Variants in STK3 observed in about 807,000 individuals in gnomAD.
STK3 encodes serine/threonine-protein kinase 3.
Under a neutral mutation model 58.0 loss-of-function variants are expected in STK3, and 41 were observed. The observed-to-expected ratio is 0.71, with a 90% CI of 0.55 to 0.92. The LOEUF (loss-of-function observed/expected upper bound fraction) is 0.92, where lower values mean the gene tolerates loss of function less well. STK3 is among the 40% of genes least tolerant of loss of function. STK3 has a pLI of 0.00. For missense variants in STK3, 479 were observed against 602.7 expected (o/e 0.79, Z 2.15); for synonymous variants, 170 against 191.0 (o/e 0.89, Z 0.91).
At chr8:98,607,522 TA>T (rs1816868976) in intron 6 of STK3, among the ~76,000 whole-genome samples, 1 of 152,216 alleles carries the variant, frequency 6.6e-6, no homozygotes, top group African/African-American at 2.4e-5. Flanking sequence ...ATCCTTGATT[TA>T]AAAAATACTC....
chr8:98,523,634 C>T (rs1364447363), intron 10 of STK3, among the ~76,000 whole-genome samples: 1 of 152,074 alleles, frequency 6.6e-6, no homozygotes, highest in African/African-American at 2.4e-5. Flanking sequence ...CTCAGCCTCC[C>T]AAAGTGCTGG....
At chr8:98,780,991 A>G (rs1251879218) in intron 1 of STK3, among the ~76,000 whole-genome samples, 2 of 152,238 alleles carry the variant, frequency 1.3e-5, no homozygotes, top group African/African-American at 2.4e-5. Flanking sequence ...TATCCATTGT[A>G]GAACTTCCAC....
chr8:98,445,860 G>T (rs148950468), intron 1 of STK3, among the ~76,000 whole-genome samples: 10 of 152,268 alleles, frequency 6.6e-5, no homozygotes, highest in African/African-American at 2.4e-4. Context: ...CAGTAGAATT[G>T]AGTACAGCCG....
At chr8:98,695,807 A>G (rs2130985935) in intron 6 of STK3, among the ~76,000 whole-genome samples, 1 of 152,290 alleles carries the variant, frequency 6.6e-6, no homozygotes, top group East Asian at 1.9e-4. Flanking sequence ...TGATGCCTCC[A>G]GCTTTGTTCT....
intron 6 of STK3, among the ~76,000 whole-genome samples, chr8:98,670,591 C>T (rs574929457): frequency 7.2e-5 from 11 of 152,246 alleles, no homozygotes; most frequent in Admixed American, 4.6e-4. Flanking sequence ...GCCTGAAACC[C>T]ATGACCCAGA....
intron 6 of STK3, among the ~76,000 whole-genome samples, chr8:98,599,532 G>T (rs914569276): frequency 6.6e-6 from 1 of 151,768 alleles, no homozygotes; most frequent in African/African-American, 2.4e-5. Flanking sequence ...TCTTTACCAC[G>T]TATTAAAAAA....
intron 8 of STK3, among the ~76,000 whole-genome samples, chr8:98,569,547 C>A (rs1812784826): frequency 6.6e-6 from 1 of 150,990 alleles, no homozygotes; most frequent in South Asian, 2.1e-4. Flanking sequence ...CTCAGAGATC[C>A]AGCAGAGAGT....
intron 1 of STK3, among the ~76,000 whole-genome samples, chr8:98,439,909 G>A (rs1036708461): frequency 2.6e-5 from 4 of 152,198 alleles, no homozygotes; most frequent in Non-Finnish European, 1.5e-5. Context: ...CTTGCAGTGT[G>A]CATTTGTCAT....
intron 1 of STK3, among the ~76,000 whole-genome samples, chr8:98,910,114 A>T (rs1004893253): frequency 2.0e-5 from 3 of 152,130 alleles, no homozygotes; most frequent in Non-Finnish European, 2.9e-5. Context: ...GCATCTCTTC[A>T]TGTGTTTATT....
chr8:98,482,296 T>C (rs1226681696), intron 10 of STK3, among the ~76,000 whole-genome samples: 3 of 152,214 alleles, frequency 2.0e-5, no homozygotes, highest in Admixed American at 2.0e-4. Context: ...CAACTGAAGT[T>C]AAAGCTAAAT....
At chr8:98,820,474 C>T (rs995812975) in intron 1 of STK3, among the ~76,000 whole-genome samples, 4 of 152,204 alleles carry the variant, frequency 2.6e-5, no homozygotes, top group Admixed American at 2.6e-4. Flanking sequence ...GGTAAAGTGT[C>T]TCACTCCAGC....
chr8:98,417,573 C>T (rs1818129230), intron 3 of STK3, among the ~76,000 whole-genome samples: 1 of 152,066 alleles, frequency 6.6e-6, no homozygotes, highest in African/African-American at 2.4e-5. Context: ...CCCTGTTTTG[C>T]CTTGAATCCT....
intron 3 of STK3, among the ~76,000 whole-genome samples, chr8:98,761,609 A>G (rs1011010225): frequency 7.2e-5 from 11 of 152,216 alleles, no homozygotes; most frequent in Non-Finnish European, 1.5e-4. Flanking sequence ...GTAGTGTTCT[A>G]TAACTTAGTA....
intron 7 of STK3, 101 bp downstream of exon 7, chr8:98,595,931 T>C (rs1419716686): frequency 3.0e-6 from 4 of 1,353,452 alleles, no homozygotes; most frequent in Non-Finnish European, 4.0e-6. Context: ...GAGGTTTACA[T>C]CTTTAGAAAT....
At chr8:98,876,068 C>G (rs1837550569) in intron 3 of STK3, among the ~76,000 whole-genome samples, 1 of 152,178 alleles carries the variant, frequency 6.6e-6, no homozygotes, top group Non-Finnish European at 1.5e-5. Context: ...GGCAGTGGTT[C>G]TTGGTGTTCA....
intron 4 of STK3, among the ~76,000 whole-genome samples, chr8:98,746,869 C>G (rs1015682754): frequency 6.6e-6 from 1 of 151,678 alleles, no homozygotes; most frequent in Non-Finnish European, 1.5e-5. Flanking sequence ...CAGACCCCAT[C>G]TCTACAAAAT....
At chr8:98,664,764 A>G (rs909198041) in intron 6 of STK3, among the ~76,000 whole-genome samples, 19 of 152,138 alleles carry the variant, frequency 1.2e-4, no homozygotes, top group African/African-American at 4.3e-4. Context: ...GAATTCTCTT[A>G]GAAGTACTGC....
At chr8:98,862,896 C>T (rs1836986604) in intron 3 of STK3, among the ~76,000 whole-genome samples, 1 of 152,230 alleles carries the variant, frequency 6.6e-6, no homozygotes, top group Non-Finnish European at 1.5e-5. Flanking sequence ...CAGGTTCAAA[C>T]CAGCCTAGTA....
At chr8:98,399,601 G>A (rs1267734911), downstream of STK3, among the ~76,000 whole-genome samples, 1 of 152,240 alleles carries the variant, frequency 6.6e-6, no homozygotes, top group African/African-American at 2.4e-5. Flanking sequence ...ATCTCTCTTA[G>A]CCTCAGTTTC....
Sources: allele counts gnomAD v4.1 joint callset (sites outside exome capture counted in the v4.1 genomes callset), GRCh38; gene constraint gnomAD v4.1.1; transcripts MANE v1.5; gene names NCBI Gene and HGNC (gene_info 2026-07-23, HGNC 2026-07-21).